PEX14: variants seen among roughly 807,000 people sequenced by gnomAD.
The protein encoded by PEX14 is peroxisomal biogenesis factor 14, also known as peroxisomal membrane protein PEX14.
A neutral mutation model predicts 49.5 loss-of-function variants in PEX14; 15 were observed. The ratio of observed to expected loss-of-function variants is 0.30; its 90% CI spans 0.20 to 0.47. The LOEUF (loss-of-function observed/expected upper bound fraction) is 0.47, where lower values mean the gene tolerates loss of function less well. Among genes scored for constraint, PEX14 ranks in the 20% least tolerant of loss-of-function variants. The pLI, the probability that PEX14 is intolerant of heterozygous loss-of-function variation, is 1.00. For missense variants in PEX14, 398 were observed against 494.8 expected (o/e 0.80, Z 1.86); for synonymous variants, 210 against 212.7 (o/e 0.99, Z 0.11).
intron 2 of PEX14, among the ~76,000 whole-genome samples, chr1:10,520,154 T>C (rs979433321): frequency 4.6e-5 from 3 of 64,636 alleles, no homozygotes; most frequent in African/African-American, 1.2e-4. Flanking sequence ...TCTTCTTTTT[T>C]TTTTTTTTGT....
At chr1:10,520,077 C>G (rs1002478783) in intron 2 of PEX14, among the ~76,000 whole-genome samples, 1 of 151,428 alleles carries the variant, frequency 6.6e-6, no homozygotes, top group Non-Finnish European at 1.5e-5. Context: ...TGGGCTCAGG[C>G]GATCCTCTCA....
At chr1:10,618,539 G>C in intron 5 of PEX14, 122 bp downstream of exon 5, 1 of 797,868 alleles carries the variant, frequency 1.3e-6, no homozygotes, top group Non-Finnish European at 2.1e-6. Flanking sequence ...TGTTGGCAGT[G>C]AGAGGCTGTG....
intron 1 of PEX14, among the ~76,000 whole-genome samples, chr1:10,476,512 C>T (rs1641197857): frequency 6.6e-6 from 1 of 152,040 alleles, no homozygotes; most frequent in Non-Finnish European, 1.5e-5. Context: ...ATTCTTTTTT[C>T]TTTCTTAAGA....
chr1:10,619,679 T>C (rs1219860657), intron 5 of PEX14, among the ~76,000 whole-genome samples: 1 of 152,172 alleles, frequency 6.6e-6, no homozygotes, highest in Non-Finnish European at 1.5e-5. Flanking sequence ...TCTTAGCACA[T>C]GAAACATGGT....
At chr1:10,506,066 C>T (rs1641777006) in intron 2 of PEX14, among the ~76,000 whole-genome samples, 1 of 152,104 alleles carries the variant, frequency 6.6e-6, no homozygotes, top group African/African-American at 2.4e-5. Context: ...TTTGGCATCC[C>T]TGTCTGACCA....
chr1:10,567,106 C>T (rs925558577), intron 3 of PEX14, among the ~76,000 whole-genome samples: 1 of 152,188 alleles, frequency 6.6e-6, no homozygotes, highest in South Asian at 2.1e-4. Flanking sequence ...TTTATGGACA[C>T]TGAAATTTGA....
At position 10,512,683 on chromosome 1, in the gene PEX14, C is replaced by G. The variant is rs1641904817; in HGVS notation, c.84+17362C>G. 1.3e-5 allele frequency among the ~76,000 whole-genome samples: 2 copies of G among 151,800 alleles called. No homozygotes were observed. Among genetic ancestry groups the G allele is most frequent in the Admixed American group, 1.3e-4 (2 of 15,234 alleles). On this transcript the variant is annotated intron_variant, in intron 2 of 8. Transcript: ENST00000356607. This position sits in a 1 kb window ranked among gnomAD's most constrained non-coding sequence, Gnocchi z 4.6. Reference sequence around the variant, plus strand: ...GTTTTTAAATGAAATGCTCCCTGTTCTTTTCCTTCTTTTTTTTTTTAACTT... The same window carrying G: ...GTTTTTAAATGAAATGCTCCCTGTTGTTTTCCTTCTTTTTTTTTTTAACTT...
chr1:10,505,520 T>C (rs1641767114), intron 2 of PEX14, among the ~76,000 whole-genome samples: 1 of 152,084 alleles, frequency 6.6e-6, no homozygotes, highest in South Asian at 2.1e-4. Flanking sequence ...TGTGTGTACT[T>C]TGAAATTTTT....
At chr1:10,582,296 C>T (rs1246530979) in intron 3 of PEX14, among the ~76,000 whole-genome samples, 3 of 152,042 alleles carry the variant, frequency 2.0e-5, no homozygotes, top group African/African-American at 4.8e-5. Context: ...TTTATTCACA[C>T]ATTGAACAAT....
At chr1:10,475,224 G>T (rs1173568194) in intron 1 of PEX14, among the ~76,000 whole-genome samples, 2 of 137,532 alleles carry the variant, frequency 1.5e-5, no homozygotes, top group East Asian at 5.0e-4. Flanking sequence ...TCTGGTGTTT[G>T]GCTGTGCCCC....
intron 2 of PEX14, among the ~76,000 whole-genome samples, chr1:10,509,037 C>T (rs566745280): frequency 5.3e-5 from 8 of 152,008 alleles, no homozygotes; most frequent in South Asian, 2.1e-4. Flanking sequence ...CCTAGGTTCA[C>T]GCCATTCTCC....
At chr1:10,602,318 T>C (rs1641009199) in intron 4 of PEX14, among the ~76,000 whole-genome samples, 1 of 152,116 alleles carries the variant, frequency 6.6e-6, no homozygotes, top group Admixed American at 6.5e-5. Flanking sequence ...TTAGTTGTCA[T>C]CATTGAGCTT....
chr1:10,502,217 T>G (rs1352080979), intron 2 of PEX14, among the ~76,000 whole-genome samples: 2 of 152,192 alleles, frequency 1.3e-5, no homozygotes, highest in African/African-American at 4.8e-5. Flanking sequence ...AGAAAACGTT[T>G]TTAACACTAG....
At chr1:10,541,420 T>C (rs1639008254) in intron 3 of PEX14, among the ~76,000 whole-genome samples, 1 of 152,238 alleles carries the variant, frequency 6.6e-6, no homozygotes, top group African/African-American at 2.4e-5. Context: ...TGCAGCAGCG[T>C]GGCATCTTCC....
intron 3 of PEX14, among the ~76,000 whole-genome samples, chr1:10,547,303 A>G (rs1639205160): frequency 1.3e-5 from 2 of 152,330 alleles, no homozygotes; most frequent in South Asian, 4.1e-4. Context: ...TATTTGCAGC[A>G]ATCAAAAGCA....
intron 3 of PEX14, among the ~76,000 whole-genome samples, chr1:10,580,575 A>G (rs576106048): frequency 6.6e-6 from 1 of 152,170 alleles, no homozygotes; most frequent in Non-Finnish European, 1.5e-5. Flanking sequence ...TGTATTATCA[A>G]TATAAACAAT....
At chr1:10,507,068 G>A (rs1641796158) in intron 2 of PEX14, among the ~76,000 whole-genome samples, 1 of 152,186 alleles carries the variant, frequency 6.6e-6, no homozygotes, top group South Asian at 2.1e-4. Context: ...TGGCCTCGCT[G>A]TTGGTGTCTT....
At chr1:10,573,955 A>G (rs1640052299) in intron 3 of PEX14, among the ~76,000 whole-genome samples, 2 of 152,090 alleles carry the variant, frequency 1.3e-5, no homozygotes, top group African/African-American at 4.8e-5. Context: ...ACAAAAATTA[A>G]CTGGGTGTTG....
intron 2 of PEX14, among the ~76,000 whole-genome samples, chr1:10,515,075 C>T (rs576608688): frequency 7.9e-5 from 12 of 152,310 alleles, no homozygotes; most frequent in East Asian, 1.9e-4. Context: ...CGTCCTCCAG[C>T]GGGCTCTCCA....
Sources: allele counts gnomAD v4.1 joint callset (sites outside exome capture counted in the v4.1 genomes callset), GRCh38; gene constraint gnomAD v4.1.1; non-coding constraint Gnocchi (gnomAD v3.1); transcripts MANE v1.5; gene names NCBI Gene and HGNC (gene_info 2026-07-23, HGNC 2026-07-21).